FCN2: variants seen among roughly 807,000 people sequenced by gnomAD.
FCN2 encodes ficolin-2.
Under a neutral mutation model 32.5 loss-of-function variants are expected in FCN2, and 31 were observed. The ratio of observed to expected loss-of-function variants is 0.96; its 90% CI spans 0.72 to 1.29. FCN2 has a LOEUF of 1.29. Among genes scored for constraint, FCN2 ranks in the 50% most tolerant of loss-of-function variants. The pLI, the probability that FCN2 is intolerant of heterozygous loss-of-function variation, is 0.00. For missense variants in FCN2, 412 were observed against 406.5 expected, an observed-to-expected ratio of 1.01 and a Z score of -0.12; for synonymous variants, 181 against 164.5, an observed-to-expected ratio of 1.10 and a Z score of -0.77.
chr9:134,885,426 C>A (rs942485294), intron 5 of FCN2, 60 bp downstream of exon 5: 1 of 1,595,930 alleles, frequency 6.3e-7, no homozygotes, highest in Non-Finnish European at 8.5e-7. Context: ...AGGCTGCACA[C>A]CTGGTGGGAG....
At position 134,886,512 on chromosome 9, in the gene FCN2, C is replaced by A. The variant is rs142072878; in HGVS notation, c.642C>A (p.Asp214Glu). 6.2e-7 allele frequency: 1 copy of A among 1,614,124 alleles called. No individual in the cohort carries two copies. The change falls in exon 7 of 8, where the codon GAC becomes GAA. Residue 214 changes from aspartate to glutamate, a missense_variant. Physicochemically the swap from Asp to Glu is conservative, Grantham distance 45. Coordinates refer to ENST00000291744, the MANE Select transcript of FCN2 (RefSeq NM_004108.3). ...FAKYRSFKVA[D>E]EAEKYNLVLG... is the part of the protein sequence containing the mutation. Reference sequence around the variant, plus strand: ...AGTACAGATCATTCAAGGTGGCCGACGAGGCGGAGAAGTACAATCTGGTCC... The same window carrying A: ...AGTACAGATCATTCAAGGTGGCCGAAGAGGCGGAGAAGTACAATCTGGTCC...
At chr9:134,878,597 C>T (rs958085140), upstream of FCN2, among the ~76,000 whole-genome samples, 2 of 152,216 alleles carry the variant, frequency 1.3e-5, no homozygotes, top group Non-Finnish European at 2.9e-5. Context: ...AATCCCAACA[C>T]TTAGGGAGGC....
the FCN2 span, among the ~76,000 whole-genome samples, chr9:134,875,637 G>A: frequency 6.6e-6 from 1 of 152,220 alleles, no homozygotes; most frequent in Non-Finnish European, 1.5e-5. Context: ...GGAATTGTGG[G>A]TAGTCTTTAG....
At chr9:134,880,976 G>C in intron 1 of FCN2, 55 bp downstream of exon 1, 1 of 1,335,326 alleles carries the variant, frequency 7.5e-7, no homozygotes, top group Middle Eastern at 1.9e-4. Context: ...AAAGCTGGCA[G>C]CTTCGTGATT....
the FCN2 span, among the ~76,000 whole-genome samples, chr9:134,871,771 T>C: frequency 6.6e-6 from 1 of 152,178 alleles, no homozygotes; most frequent in Non-Finnish European, 1.5e-5. Context: ...AGGATTTTCT[T>C]TTCTAAGAGC....
At chr9:134,881,290 A>G (rs1248156753) in intron 1 of FCN2, among the ~76,000 whole-genome samples, 2 of 152,162 alleles carry the variant, frequency 1.3e-5, no homozygotes, top group African/African-American at 4.8e-5. Context: ...GGTCGCCATC[A>G]CAGAGAGACA....
At chr9:134,866,173 A>G in the FCN2 span, among the ~76,000 whole-genome samples, 2 of 150,926 alleles carry the variant, frequency 1.3e-5, no homozygotes, top group Admixed American at 6.6e-5. Context: ...AAGAGCCCAC[A>G]TCGCCAAGGC....
intron 1 of FCN2, among the ~76,000 whole-genome samples, chr9:134,881,999 G>C (rs1317153157): frequency 6.6e-6 from 1 of 152,194 alleles, no homozygotes; most frequent in Non-Finnish European, 1.5e-5. Context: ...ACCCACAGGA[G>C]CCCATCCACT....
intron 5 of FCN2, 36 bp downstream of exon 5, chr9:134,885,402 G>A (rs761126139): frequency 3.3e-5 from 53 of 1,606,170 alleles, no homozygotes; most frequent in Admixed American, 5.1e-5. Flanking sequence ...GTCAGCCTGG[G>A]AGTCCCGGAG....
chr9:134,875,069 T>C, the FCN2 span, among the ~76,000 whole-genome samples: 1 of 152,238 alleles, frequency 6.6e-6, no homozygotes, highest in African/African-American at 2.4e-5. Context: ...ACTCACTTTG[T>C]AGTTCTAGCA....
At chr9:134,880,101 T>C (rs865999688), upstream of FCN2, among the ~76,000 whole-genome samples, 14 of 152,190 alleles carry the variant, frequency 9.2e-5, 1 homozygote, top group Middle Eastern at 6.8e-3. Flanking sequence ...GAAATTCACC[T>C]ACTCTCATCC....
At chr9:134,882,050 T>G (rs74381095) in intron 1 of FCN2, among the ~76,000 whole-genome samples, 3,783 of 152,290 alleles carry the variant, frequency 0.025, 66 homozygotes, top group Non-Finnish European at 0.038. Context: ...GTTGCAATGG[T>G]AGCCTCTCTC....
At chr9:134,877,727 CTCCTGTGTACAGCATCACCTG>C (rs147859719), upstream of FCN2, among the ~76,000 whole-genome samples, 3,736 of 152,256 alleles carry the variant, frequency 0.025, 147 homozygotes, top group African/African-American at 0.085. Context: ...CCTGGTCTGT[CTCCTGTGTACAGCATCACCTG>C]TCCTAGAACA....
upstream of FCN2, chr9:134,880,784 A>G (rs746779966): frequency 6.6e-7 from 1 of 1,520,840 alleles, no homozygotes; most frequent in South Asian, 1.1e-5. Context: ...CTAGCCCTAT[A>G]AGAGGGCAGG....
chr9:134,878,332 G>A (rs975991672), upstream of FCN2, among the ~76,000 whole-genome samples: 2 of 152,144 alleles, frequency 1.3e-5, no homozygotes, highest in South Asian at 4.1e-4. Flanking sequence ...TGTGCCTTGC[G>A]GGAACTTCTG....
intron 5 of FCN2, 114 bp from the exon 6 acceptor site, chr9:134,885,654 C>T: frequency 7.0e-7 from 1 of 1,437,952 alleles, no homozygotes. Context: ...GTGCTGGTGA[C>T]CCCGCCTGTG....
At chr9:134,886,336 C>T (rs1830754769) in intron 6 of FCN2, 94 bp from the exon 7 acceptor site, 2 of 1,481,654 alleles carry the variant, frequency 1.3e-6, no homozygotes, top group Non-Finnish European at 1.9e-6. Context: ...CCATGGAGTC[C>T]AGACCTCCTT....
rs55860122 is a variant in FCN2, at chr9:134,885,891, G to T, written c.553G>T (p.Ala185Ser). 2 of 1,612,448 alleles carry T rather than the reference G, an allele frequency of 1.2e-6. No homozygotes were observed. Among genetic ancestry groups the T allele is most frequent in the South Asian group, 1.1e-5 (1 of 90,878 alleles). Reference protein sequence around the residue: ...LGNDNIHALTAQGTSELRVDL... With the variant: ...LGNDNIHALTSQGTSELRVDL... Reference sequence around the variant, plus strand: ...GAATGACAACATCCACGCCCTGACCGCCCAGGGTAGGGCCGCTGCTGGGGC... The same window carrying T: ...GAATGACAACATCCACGCCCTGACCTCCCAGGGTAGGGCCGCTGCTGGGGC... Residue 185 changes from alanine to serine, a missense_variant, in exon 6 of 8, where the codon GCC becomes TCC. Transcript: ENST00000291744.
At chr9:134,883,190 G>A in intron 2 of FCN2, 112 bp from the exon 3 acceptor site, 1 of 946,364 alleles carries the variant, frequency 1.1e-6, no homozygotes, top group Non-Finnish European at 1.7e-6. Flanking sequence ...TCACGTCGTA[G>A]CACGAGCAGG....
Sources: allele counts gnomAD v4.1 joint callset (sites outside exome capture counted in the v4.1 genomes callset), GRCh38; gene constraint gnomAD v4.1.1; transcripts MANE v1.5; gene names NCBI Gene and HGNC (gene_info 2026-07-23, HGNC 2026-07-21).